Variants in SHANK2 observed in about 807,000 individuals in gnomAD.
The protein encoded by SHANK2 is SH3 and multiple ankyrin repeat domains protein 2.
In SHANK2, 43 loss-of-function variants were observed where a neutral mutation model predicts 133.7. That is an observed-to-expected ratio of 0.32 (90% CI 0.25 to 0.41). SHANK2 has a LOEUF of 0.41. Ranked by LOEUF, SHANK2 falls within the 10% of genes least tolerant of loss-of-function variation. SHANK2 has a pLI of 1.00. For missense variants in SHANK2, 1,994 were observed against 2,235.8 expected (o/e 0.89, Z 2.18); for synonymous variants, 1,017 against 952.8 (o/e 1.07, Z -1.24).
chr11:70,761,581 C>T (rs556596584), intron 14 of SHANK2, among the ~76,000 whole-genome samples: 4 of 152,364 alleles, frequency 2.6e-5, no homozygotes, highest in African/African-American at 4.8e-5. Context: ...CAGTGTTCCC[C>T]TCACATTCTG....
At chr11:71,215,615 G>A (rs568667494) in intron 2 of SHANK2, among the ~76,000 whole-genome samples, 18 of 152,326 alleles carry the variant, frequency 1.2e-4, no homozygotes, top group Admixed American at 4.6e-4. Context: ...GTTCCCCGAG[G>A]AGGTGTCCCC....
At chr11:70,906,105 C>T (rs1323474755) in intron 10 of SHANK2, among the ~76,000 whole-genome samples, 2 of 152,178 alleles carry the variant, frequency 1.3e-5, no homozygotes, top group African/African-American at 4.8e-5. Flanking sequence ...GCACCCAGCT[C>T]ATTTTATGGT....
intron 14 of SHANK2, among the ~76,000 whole-genome samples, chr11:70,750,275 C>T (rs1487822371): frequency 2.6e-5 from 4 of 152,156 alleles, no homozygotes; most frequent in African/African-American, 9.7e-5. Context: ...GAAAAGGGAG[C>T]CCCAAGGTTC....
chr11:70,502,956 A>G (rs7110158), intron 17 of SHANK2, 25 bp from the exon 18 acceptor site: 1,605,499 of 1,613,978 alleles, frequency 0.99, 798,893 homozygotes, highest in East Asian at 1. Context: ...AGAGGATGGC[A>G]TCAGTGAGAG....
chr11:70,906,061 C>T (rs1697352408), intron 10 of SHANK2, among the ~76,000 whole-genome samples: 1 of 152,166 alleles, frequency 6.6e-6, no homozygotes, highest in East Asian at 1.9e-4. Flanking sequence ...GATCTGCCGG[C>T]CTAGGCCTCC....
At chr11:70,498,067 T>C (rs2058996276) in intron 21 of SHANK2, among the ~76,000 whole-genome samples, 1 of 152,228 alleles carries the variant, frequency 6.6e-6, no homozygotes, top group Admixed American at 6.5e-5. Flanking sequence ...TCTTCAGCTT[T>C]CCTGGGACCT....
At chr11:71,226,891 T>C (rs1346880447) in intron 1 of SHANK2, among the ~76,000 whole-genome samples, 1 of 152,182 alleles carries the variant, frequency 6.6e-6, no homozygotes, top group Non-Finnish European at 1.5e-5. Context: ...TTATAGATTA[T>C]ATTTGATGGT....
At chr11:70,853,444 T>C (rs1376228200) in intron 11 of SHANK2, among the ~76,000 whole-genome samples, 2 of 152,120 alleles carry the variant, frequency 1.3e-5, no homozygotes, top group African/African-American at 4.8e-5. Flanking sequence ...CGAGAGAGGT[T>C]TGAAGCGGAC....
intron 17 of SHANK2, among the ~76,000 whole-genome samples, chr11:70,614,539 C>G (rs994856025): frequency 1.3e-5 from 2 of 152,178 alleles, no homozygotes; most frequent in African/African-American, 2.4e-5. Context: ...TCTCCAACTC[C>G]TGACCTCAGG....
intron 2 of SHANK2, among the ~76,000 whole-genome samples, chr11:71,182,841 G>A (rs1953586825): frequency 6.6e-6 from 1 of 152,102 alleles, no homozygotes; most frequent in Non-Finnish European, 1.5e-5. Flanking sequence ...AAAATATTTC[G>A]CTTCCCTAAG....
intron 2 of SHANK2, among the ~76,000 whole-genome samples, chr11:71,148,872 T>A (rs1437634417): frequency 1.3e-5 from 2 of 152,140 alleles, no homozygotes; most frequent in African/African-American, 4.8e-5. Context: ...GTCCTACAGA[T>A]GGTACATGGG....
chr11:71,071,562 G>C (rs1483050069), intron 9 of SHANK2, among the ~76,000 whole-genome samples: 2 of 152,216 alleles, frequency 1.3e-5, no homozygotes, highest in African/African-American at 2.4e-5. Flanking sequence ...TCTCACAAAG[G>C]GCTGCAGAGA....
chr11:70,752,485 G>C (rs11237375), intron 14 of SHANK2, among the ~76,000 whole-genome samples: 1 of 152,070 alleles, frequency 6.6e-6, no homozygotes, highest in Non-Finnish European at 1.5e-5. Flanking sequence ...TTGGGAGGCC[G>C]AGGCAGACGG....
chr11:70,548,832 A>G (rs1554977055), intron 17 of SHANK2, among the ~76,000 whole-genome samples: 4 of 152,202 alleles, frequency 2.6e-5, no homozygotes, highest in Non-Finnish European at 5.9e-5. Flanking sequence ...TTCTCAAACA[A>G]GAGGACAATG....
chr11:70,632,858 AG>A (rs1445179835), intron 17 of SHANK2, among the ~76,000 whole-genome samples: 1 of 152,230 alleles, frequency 6.6e-6, no homozygotes, highest in Admixed American at 6.5e-5. Context: ...GGGAGGACAG[AG>A]GACAAGGACA....
Position 70,490,374 on chromosome 11 carries a change from C to T in SHANK2, c.2453G>A (p.Arg818His), listed in dbSNP as rs117843717. The T allele has an allele frequency of 3.5e-3, 5,572 of 1,614,102 alleles. 36 individuals carry two copies. The highest frequency in any genetic ancestry group is 3.3e-3 in the Non-Finnish European group (3,926 of 1,179,954). ...AGSDMNSVYE[R>H]QGIAVMTPTV... ...GGGCGTCATCACGGCGATTCCTTGG[C>T]GTTCGTACACAGACTGCAAACCAGA... Residue 818 changes from arginine to histidine, a missense_variant, in exon 23 of 26, where the codon CGC becomes CAC. Around this residue, in one of 5 missense-constraint regions of SHANK2, gnomAD observed 488 missense variants for 642.6 expected, o/e 0.76. Transcript: ENST00000601538.
chr11:70,868,342 G>T (rs1949403901), intron 11 of SHANK2, among the ~76,000 whole-genome samples: 1 of 152,174 alleles, frequency 6.6e-6, no homozygotes, highest in African/African-American at 2.4e-5. Context: ...GATAAGCCTG[G>T]TCAAGCTGGA....
At chr11:70,858,872 C>A (rs1189947060) in intron 11 of SHANK2, among the ~76,000 whole-genome samples, 2 of 152,204 alleles carry the variant, frequency 1.3e-5, no homozygotes, top group Admixed American at 1.3e-4. Context: ...TTGGCCAAAG[C>A]TGTTTTCAGG....
At chr11:70,797,671 G>A (rs941470390) in intron 14 of SHANK2, among the ~76,000 whole-genome samples, 2 of 152,192 alleles carry the variant, frequency 1.3e-5, no homozygotes, top group South Asian at 4.1e-4. Context: ...GAGGCGGCAG[G>A]CTCCGCACAA....
Sources: allele counts gnomAD v4.1 joint callset (sites outside exome capture counted in the v4.1 genomes callset), GRCh38; gene constraint gnomAD v4.1.1; regional missense constraint gnomAD v4.1.1; transcripts MANE v1.5; gene names NCBI Gene and HGNC (gene_info 2026-07-23, HGNC 2026-07-21).